The following INTS4 variants were observed in gnomAD, a reference collection of about 807,000 sequenced individuals.
The protein encoded by INTS4 is MSTP093.
Under a neutral mutation model 119.5 loss-of-function variants are expected in INTS4, and 70 were observed. That is an observed-to-expected ratio of 0.59 (90% CI 0.48 to 0.71). INTS4 has a LOEUF of 0.71. Ranked by LOEUF, INTS4 falls within the 30% of genes least tolerant of loss-of-function variation. INTS4 has a pLI of 0.00. For synonymous variants in INTS4, 316 were observed against 419.6 expected (o/e 0.75, Z 3.02); for missense variants, 867 against 1,173.2 (o/e 0.74, Z 3.81).
In INTS4 at chr11:77,901,542, C is replaced by T. The variant is rs1341288148; in HGVS notation, c.2107G>A (p.Glu703Lys). The T allele has an allele frequency of 1.2e-6, 2 of 1,603,126 alleles. No homozygotes were observed. Among genetic ancestry groups the T allele is most frequent in the Admixed American group, 3.3e-5 (2 of 59,952 alleles). ...ASAAAKQIME[E>K]TYKMEFMYSG... Reference sequence around the variant, plus strand: ...TACATGAATTCCATTTTGTAGGTCTCTTCCATAATCTATAAAGGAAAGATA... The same window carrying T: ...TACATGAATTCCATTTTGTAGGTCTTTTCCATAATCTATAAAGGAAAGATA... Residue 703 changes from glutamate (E) to lysine (K), a missense_variant, in exon 18 of 23, where the codon GAG becomes AAG. Physicochemically the swap from Glu to Lys is moderately conservative, Grantham distance 56 (BLOSUM62 1). Transcript: ENST00000534064.
At chr11:77,981,729 G>T (rs17825404) in intron 2 of INTS4, among the ~76,000 whole-genome samples, 153 bp from the exon 3 acceptor site, 32,847 of 148,010 alleles carry the variant, frequency 0.22, 3,630 homozygotes, top group African/African-American at 0.27. Context: ...CTTCTGGAGA[G>T]ACAGCTTTCT....
chr11:77,963,369 A>AAC, intron 4 of INTS4: 13 of 322,988 alleles, frequency 4.0e-5, no homozygotes, highest in South Asian at 2.3e-4. Flanking sequence ...AAAAAAAAAA[A>AAC]AAAAACAAAA....
At chr11:77,896,859 G>A (rs1414140076) in intron 18 of INTS4, among the ~76,000 whole-genome samples, 4 of 149,508 alleles carry the variant, frequency 2.7e-5, no homozygotes, top group East Asian at 1.9e-4. Flanking sequence ...AACTCCCACC[G>A]AAGATCAGCA....
chr11:77,975,531 A>G lies in INTS4; in HGVS notation c.471+3465T>C, dbSNP rs572345775. On this transcript the variant is annotated intron_variant, in intron 4 of 22. Transcript: ENST00000534064. The stretch of plus-strand genomic sequence containing the variant: ...CTTTTAGGCACATTGTATGATAGTC[A>G]TAAACCAAAATGGCATTTGGCAATA... 2.0e-5 allele frequency among the ~76,000 whole-genome samples: 3 copies of G among 152,292 alleles called. No homozygotes were observed. The East Asian group carries it at 5.8e-4, about 29-fold the overall frequency.
chr11:77,953,803 C>T (rs534626695), intron 8 of INTS4, among the ~76,000 whole-genome samples: 15 of 152,082 alleles, frequency 9.9e-5, no homozygotes, highest in African/African-American at 1.7e-4. Flanking sequence ...AGGCTGGTCT[C>T]GAACTCCTGA....
downstream of INTS4, chr11:77,876,852 T>C (rs914346339): frequency 4.6e-5 from 29 of 626,258 alleles, no homozygotes; most frequent in African/African-American, 5.0e-4. Flanking sequence ...GGGGTACTTA[T>C]CTGAAAAATA....
chr11:77,880,726 G>C lies in INTS4; in HGVS notation c.2714-1599C>G, dbSNP rs139042320. Among the ~76,000 whole-genome samples, 16 of 152,300 alleles carry C rather than the reference G, an allele frequency of 1.1e-4. No individual in the cohort carries two copies. In the East Asian group the frequency reaches 3.1e-3, roughly 29 times the overall value. On this transcript the variant is annotated intron_variant, in intron 22 of 22. Transcript: ENST00000534064. The stretch of plus-strand genomic sequence containing the variant: ...TAATCCCAGCACTTTGGGAGGGCAA[G>C]GCAGGAGAATCACTTGATCCCAGGT...
intron 16 of INTS4, among the ~76,000 whole-genome samples, chr11:77,905,687 A>G (rs1194140773): frequency 6.6e-6 from 1 of 152,254 alleles, no homozygotes; most frequent in Non-Finnish European, 1.5e-5. Context: ...GGGTGACTGC[A>G]TATGCAGTGG....
At chr11:77,919,862 G>A (rs1422517632) in intron 14 of INTS4, among the ~76,000 whole-genome samples, 3 of 152,116 alleles carry the variant, frequency 2.0e-5, no homozygotes. Flanking sequence ...AGGCGGGAGT[G>A]CAGTGGCGCA....
chr11:77,951,368 A>T (rs1394243033), intron 8 of INTS4, among the ~76,000 whole-genome samples: 1 of 152,174 alleles, frequency 6.6e-6, no homozygotes, highest in Non-Finnish European at 1.5e-5. Flanking sequence ...GCATATCTAC[A>T]ACCATCTGAT....
rs12274458 is a variant in INTS4 at position 77,892,651 on chromosome 11, C to T, written c.2289-811G>A. 2.4e-3 allele frequency among the ~76,000 whole-genome samples: 370 copies of T among 152,144 alleles called. 2 individuals carry two copies. Among genetic ancestry groups the T allele is most frequent in the African/African-American group, 8.7e-3 (362 of 41,494 alleles). On this transcript the variant is annotated intron_variant, in intron 19 of 22. Transcript: ENST00000534064. Reference sequence around the variant, plus strand: ...GGGCTGGTGTGCAATGGCGTGATCTCGGCTCACTGGAACCTCCGCCTCCCG... The same window carrying T: ...GGGCTGGTGTGCAATGGCGTGATCTTGGCTCACTGGAACCTCCGCCTCCCG...
chr11:77,959,035 AC>A (rs1954400171), intron 6 of INTS4, among the ~76,000 whole-genome samples: 1 of 152,146 alleles, frequency 6.6e-6, no homozygotes, highest in Admixed American at 6.5e-5. Context: ...TATGCACCCT[AC>A]CCCATGTCTG....
intron 1 of INTS4, among the ~76,000 whole-genome samples, chr11:77,993,516 G>A (rs1177754915): frequency 2.0e-5 from 3 of 152,164 alleles, no homozygotes; most frequent in African/African-American, 7.2e-5. Flanking sequence ...TGGGAAATGG[G>A]AACAACAGAA....
intron 4 of INTS4, among the ~76,000 whole-genome samples, chr11:77,964,261 T>G (rs2136595313): frequency 6.6e-6 from 1 of 152,044 alleles, no homozygotes; most frequent in Non-Finnish European, 1.5e-5. Context: ...TACAACAGAG[T>G]AACATCCTGT....
downstream of INTS4, among the ~76,000 whole-genome samples, chr11:77,876,415 T>C (rs1453015861): frequency 2.0e-5 from 3 of 151,874 alleles, no homozygotes; most frequent in African/African-American, 4.8e-5. Context: ...TTTTTTTTTT[T>C]CACTTCAGTG....
chr11:77,895,190 G>A (rs1307333924), intron 18 of INTS4, among the ~76,000 whole-genome samples: 4 of 151,910 alleles, frequency 2.6e-5, no homozygotes, highest in Non-Finnish European at 5.9e-5. Flanking sequence ...ACTAAGTTTT[G>A]ACCTTTGCAT....
At chr11:77,961,192 T>C in intron 4 of INTS4, 54 bp from the exon 5 acceptor site, 1 of 1,470,654 alleles carries the variant, frequency 6.8e-7, no homozygotes, top group East Asian at 2.5e-5. Flanking sequence ...AGGACATGAT[T>C]AAGATATCTT....
chr11:77,975,458 G>C (rs1243319665), intron 4 of INTS4, among the ~76,000 whole-genome samples: 2 of 150,502 alleles, frequency 1.3e-5, no homozygotes, highest in Admixed American at 6.6e-5. Context: ...TTTCCATCAA[G>C]AGTAAATATT....
In INTS4 at chr11:77,879,022, G is replaced by A. The variant is rs778338283; in HGVS notation, c.2819C>T (p.Thr940Ile). The A allele has an allele frequency of 6.2e-7, 1 of 1,614,116 alleles. No homozygotes were observed. The highest frequency in any genetic ancestry group is 8.5e-7 in the Non-Finnish European group (1 of 1,180,030). Residue 940 changes from threonine to isoleucine, a missense_variant, in exon 23 of 23, where the codon ACC becomes ATC. Coordinates refer to ENST00000534064, the MANE Select transcript of INTS4 (RefSeq NM_033547.4). ...EGGEMSPQVE[T>I]SIEGTIPFSK... ...GAAGGGAATGGTGCCCTCGATGCTG[G>A]TTTCCACCTGTGGTGACATCTCACC...
Sources: gnomAD v4.1 joint callset for allele counts (sites outside exome capture counted in the v4.1 genomes callset) on GRCh38, gnomAD v4.1.1 for gene constraint, MANE v1.5 for transcripts, NCBI Gene and HGNC (gene_info 2026-07-23, HGNC 2026-07-21) for gene names.